Variants in PPP3CA observed in about 807,000 individuals in gnomAD.
PPP3CA encodes the protein CAM-PRP catalytic subunit.
Under a neutral mutation model 66.5 loss-of-function variants are expected in PPP3CA, and 14 were observed. The ratio of observed to expected loss-of-function variants is 0.21; its 90% CI spans 0.14 to 0.33. The LOEUF is 0.33. Ranked by LOEUF, PPP3CA falls within the 10% of genes least tolerant of loss-of-function variation. PPP3CA has a pLI of 1.00. For missense variants in PPP3CA, 317 were observed against 639.5 expected, an observed-to-expected ratio of 0.50 and a Z score of 5.44; for synonymous variants, 232 against 226.2, an observed-to-expected ratio of 1.03 and a Z score of -0.23.
In PPP3CA at chr4:101,346,877, ACGCCGCCGCCGC is replaced by A. The variant is rs3974660; in HGVS notation, c.-93_-82del. On this transcript the variant is annotated 5_prime_UTR_variant, in exon 1 of 14. Coordinates refer to ENST00000394854, the MANE Select transcript of PPP3CA (RefSeq NM_000944.5). ...ACCGGACCGGCGGGCCAGACACTCA[ACGCCGCCGCCGC>A]CGCCGCCGCCGCCGCGCTGCAAACC... The A allele has an allele frequency of 3.2e-5, 42 of 1,293,032 alleles. No individual in the cohort carries two copies. The highest frequency in any genetic ancestry group is 1.5e-4 in the African/African-American group (9 of 61,278). 80.1% of individuals were successfully genotyped at this position (1,293,032 alleles called of 1,614,324 possible). A position where few individuals can be genotyped will look rare whatever the true frequency, so the allele number is the denominator to read the frequency against.
intron 2 of PPP3CA, among the ~76,000 whole-genome samples, chr4:101,124,914 G>A (rs1308245072): frequency 6.6e-6 from 1 of 151,992 alleles, no homozygotes; most frequent in East Asian, 1.9e-4. Context: ...ATATTCACAG[G>A]TTACTGAATT....
intron 8 of PPP3CA, among the ~76,000 whole-genome samples, chr4:101,073,507 C>T (rs968004997): frequency 5.3e-5 from 8 of 152,024 alleles, no homozygotes; most frequent in African/African-American, 1.9e-4. Context: ...GAACTTCTGA[C>T]CTCATGATCT....
chr4:101,110,784 AG>A (rs1327800303), intron 2 of PPP3CA, among the ~76,000 whole-genome samples: 1 of 152,204 alleles, frequency 6.6e-6, no homozygotes, highest in Non-Finnish European at 1.5e-5. Context: ...ATCTAAACCA[AG>A]GGGGAATAAA....
chr4:101,201,154 T>G (rs1724955141), intron 1 of PPP3CA, among the ~76,000 whole-genome samples: 1 of 152,244 alleles, frequency 6.6e-6, no homozygotes, highest in Non-Finnish European at 1.5e-5. Flanking sequence ...TTCTTTTTAC[T>G]TTTAAAAAAT....
intron 1 of PPP3CA, among the ~76,000 whole-genome samples, chr4:101,324,399 G>C (rs1185285719): frequency 4.6e-5 from 7 of 152,118 alleles, no homozygotes; most frequent in African/African-American, 1.7e-4. Context: ...TCTCCCCACT[G>C]TTCCAGTTCC....
chr4:101,215,327 A>T (rs1311337281), intron 1 of PPP3CA, among the ~76,000 whole-genome samples: 1 of 152,086 alleles, frequency 6.6e-6, no homozygotes, highest in African/African-American at 2.4e-5. Flanking sequence ...TAAGCAAAAT[A>T]TCAGAGAATA....
chr4:101,109,212 G>A lies in PPP3CA; in HGVS notation c.260-134C>T, dbSNP rs1228295636. The A allele has an allele frequency of 5.8e-6, 5 of 865,216 alleles. No individual in the cohort carries two copies. The African/African-American group carries it at 9.0e-5, about 16-fold the overall frequency. The allele number at this position is 865,216 out of a possible 1,614,324, so 53.6% of individuals were successfully genotyped here. A position where few individuals can be genotyped will look rare whatever the true frequency, so the allele number is the denominator to read the frequency against. ...AAAACATTCTTTTGCAGAACAAGAA[G>A]TACGACAGAAAAGCTAAGTATTTTG... On this transcript the variant is annotated intron_variant, in intron 2 of 13. Transcript: ENST00000394854.
At chr4:101,051,304 T>C (rs1727998412) in intron 10 of PPP3CA, among the ~76,000 whole-genome samples, 1 of 152,080 alleles carries the variant, frequency 6.6e-6, no homozygotes, top group Middle Eastern at 3.2e-3. Context: ...GTACAGCCTT[T>C]ACACCTGCCA....
At chr4:101,237,821 C>T (rs1338665413) in intron 1 of PPP3CA, among the ~76,000 whole-genome samples, 2 of 152,050 alleles carry the variant, frequency 1.3e-5, no homozygotes, top group East Asian at 3.9e-4. Context: ...GGATATCCTT[C>T]CCTTGACTTT....
chr4:101,048,011 A>G (rs1232574042), intron 10 of PPP3CA, among the ~76,000 whole-genome samples: 1 of 152,118 alleles, frequency 6.6e-6, no homozygotes, highest in Non-Finnish European at 1.5e-5. Context: ...GGGGAGGGAA[A>G]TTACATTGCT....
intron 2 of PPP3CA, among the ~76,000 whole-genome samples, chr4:101,166,982 T>C (rs2110311786): frequency 6.6e-6 from 1 of 152,310 alleles, no homozygotes; most frequent in East Asian, 1.9e-4. Context: ...TTGTCCCTCC[T>C]TTAATTATAC....
chr4:101,250,382 A>T lies in PPP3CA; in HGVS notation c.59-54266T>A, dbSNP rs1235495995. ...ACCCTTAGTTTCAACATCTGTAAAAAGGACATAATAATGAGTATTTCATAT... is the reference window on the plus strand; with the variant it reads ...ACCCTTAGTTTCAACATCTGTAAAATGGACATAATAATGAGTATTTCATAT... On this transcript the variant is annotated intron_variant, in intron 1 of 13. Coordinates refer to ENST00000394854, the MANE Select transcript of PPP3CA (RefSeq NM_000944.5). 4 of 455,878 alleles carry T rather than the reference A, an allele frequency of 8.8e-6. No individual in the cohort carries two copies. In the East Asian group the frequency reaches 2.8e-4, roughly 32 times the overall value. The allele number at this position is 455,878 out of a possible 1,614,324, so 28.2% of individuals were successfully genotyped here. A position where few individuals can be genotyped will look rare whatever the true frequency, so the allele number is the denominator to read the frequency against.
chr4:101,062,315 G>A (rs1728497846), intron 9 of PPP3CA, among the ~76,000 whole-genome samples: 1 of 151,978 alleles, frequency 6.6e-6, no homozygotes, highest in South Asian at 2.1e-4. Flanking sequence ...CAAAGGGAAG[G>A]CTTCTTTGCC....
In PPP3CA at chr4:101,279,188, CCA is replaced by C. The variant is rs138151648; in HGVS notation, c.58+67549_58+67550del. Among the ~76,000 whole-genome samples, 3 of 151,398 alleles carry C rather than the reference CCA, an allele frequency of 2.0e-5. No homozygotes were observed. In the South Asian group the frequency reaches 6.3e-4, roughly 32 times the overall value. On this transcript the variant is annotated intron_variant, in intron 1 of 13. Transcript: ENST00000394854. The stretch of plus-strand genomic sequence containing the variant: ...CTAGAATTAAAAAAGAAAAGGGTAG[CCA>C]CACACACACACAATTCAATTACATT...
At chr4:101,101,394 ATGTCAATGGGAGGAC>A (rs1333449301) in intron 3 of PPP3CA, among the ~76,000 whole-genome samples, 4 of 152,214 alleles carry the variant, frequency 2.6e-5, no homozygotes, top group African/African-American at 9.6e-5. Context: ...ACTATTATTA[ATGTCAATGGGAGGAC>A]TGTCCCCAAT....
intron 6 of PPP3CA, 126 bp downstream of exon 6, chr4:101,093,650 G>C: frequency 1.1e-6 from 1 of 946,662 alleles, no homozygotes; most frequent in Non-Finnish European, 1.5e-6. Flanking sequence ...TTTTATAAAT[G>C]CTAGTGAGCC....
chr4:101,121,295 C>CT (rs1722019535), intron 2 of PPP3CA, among the ~76,000 whole-genome samples: 1 of 151,942 alleles, frequency 6.6e-6, no homozygotes, highest in Non-Finnish European at 1.5e-5. Context: ...AAAAGTTTGC[C>CT]TTATAAAACC....
chr4:101,180,168 T>A (rs1724190182), intron 2 of PPP3CA, among the ~76,000 whole-genome samples: 1 of 152,140 alleles, frequency 6.6e-6, no homozygotes. Flanking sequence ...AAACCTAATA[T>A]CCCTGTTTAT....
chr4:101,066,376 G>A (rs934436646), intron 8 of PPP3CA, among the ~76,000 whole-genome samples: 2 of 152,072 alleles, frequency 1.3e-5, no homozygotes, highest in Admixed American at 1.3e-4. Flanking sequence ...ACCTAACTAC[G>A]TGGGTTTATA....
Sources: allele counts gnomAD v4.1 joint callset (sites outside exome capture counted in the v4.1 genomes callset), GRCh38; gene constraint gnomAD v4.1.1; transcripts MANE v1.5; gene names NCBI Gene and HGNC (gene_info 2026-07-23, HGNC 2026-07-21).